DLC1: variants seen among roughly 807,000 people sequenced by gnomAD.
The protein encoded by DLC1 is DLC1 Rho GTPase activating protein.
Under a neutral mutation model 140.3 loss-of-function variants are expected in DLC1, and 54 were observed. The observed-to-expected ratio is 0.38, with a 90% CI of 0.31 to 0.48. The LOEUF is 0.48. Ranked by LOEUF, DLC1 falls within the 20% of genes least tolerant of loss-of-function variation. DLC1 has a pLI of 0.96. For synonymous variants in DLC1, 986 were observed against 728.1 expected (o/e 1.35, Z -5.70); for missense variants, 2,536 against 1,907.0 (o/e 1.33, Z -6.14).
chr8:13,566,324 G>C (rs2117394798), intron 1 of DLC1, among the ~76,000 whole-genome samples: 1 of 152,220 alleles, frequency 6.6e-6, no homozygotes, highest in East Asian at 1.9e-4. Flanking sequence ...CAGAGAAACT[G>C]ATTTGGAAAA....
At chr8:13,547,079 A>G (rs1473449252) in intron 1 of DLC1, among the ~76,000 whole-genome samples, 2 of 152,128 alleles carry the variant, frequency 1.3e-5, no homozygotes, top group African/African-American at 4.8e-5. Context: ...TGCTTGATTT[A>G]AATGATGTGG....
chr8:13,427,271 C>T (rs1281250956), intron 2 of DLC1, among the ~76,000 whole-genome samples: 2 of 152,134 alleles, frequency 1.3e-5, no homozygotes, highest in East Asian at 3.9e-4. Context: ...TCCCACAGTT[C>T]TCTGTCCAAC....
intron 5 of DLC1, among the ~76,000 whole-genome samples, chr8:13,290,380 G>A (rs1831711155): frequency 1.3e-5 from 2 of 152,086 alleles, no homozygotes; most frequent in African/African-American, 4.8e-5. Context: ...GAGGCATCCA[G>A]GAATCTGAAT....
chr8:13,601,045 A>G (rs1294283696), intron 1 of DLC1, among the ~76,000 whole-genome samples: 1 of 151,824 alleles, frequency 6.6e-6, no homozygotes, highest in African/African-American at 2.4e-5. Flanking sequence ...AAAAATGGTT[A>G]TCTACTTTGA....
chr8:13,504,549 A>G (rs1801969409), intron 1 of DLC1, among the ~76,000 whole-genome samples: 1 of 152,244 alleles, frequency 6.6e-6, no homozygotes, highest in South Asian at 2.1e-4. Context: ...AGAAAGAACA[A>G]TAGACCACGT....
At chr8:13,594,525 C>G (rs1805623892) in intron 1 of DLC1, among the ~76,000 whole-genome samples, 1 of 152,194 alleles carries the variant, frequency 6.6e-6, no homozygotes, top group Non-Finnish European at 1.5e-5. Context: ...CAAGTCTGGG[C>G]TTTGTATCAG....
chr8:13,216,835 C>A (rs1792971362), intron 5 of DLC1, among the ~76,000 whole-genome samples: 1 of 152,050 alleles, frequency 6.6e-6, no homozygotes, highest in Admixed American at 6.6e-5. Flanking sequence ...CTAGACATTG[C>A]CAAATGTTCC....
At chr8:13,330,492 C>A (rs1028283938) in intron 4 of DLC1, among the ~76,000 whole-genome samples, 4 of 152,208 alleles carry the variant, frequency 2.6e-5, no homozygotes, top group Non-Finnish European at 5.9e-5. Context: ...TGCCACCCTC[C>A]TTTAGCAGAA....
At chr8:13,553,228 G>GTATATATATATATATATATATA (rs59463537) in intron 1 of DLC1, among the ~76,000 whole-genome samples, 1 of 47,478 alleles carries the variant, frequency 2.1e-5, no homozygotes, top group African/African-American at 7.1e-5. Flanking sequence ...ATATATATAT[G>GTATATATATATATATATATATA]TATATATATA....
chr8:13,440,906 C>A (rs1246915804), intron 2 of DLC1, among the ~76,000 whole-genome samples: 2 of 152,142 alleles, frequency 1.3e-5, no homozygotes, highest in Non-Finnish European at 2.9e-5. Flanking sequence ...ATTAAACCTC[C>A]TCTTCTTCCC....
intron 4 of DLC1, among the ~76,000 whole-genome samples, chr8:13,342,923 A>G (rs1463446705): frequency 6.6e-6 from 1 of 152,036 alleles, no homozygotes; most frequent in Non-Finnish European, 1.5e-5. Flanking sequence ...TACATCAATG[A>G]CAAGACGAAT....
intron 1 of DLC1, among the ~76,000 whole-genome samples, chr8:13,537,102 A>C (rs1013640580): frequency 2.7e-5 from 4 of 148,888 alleles, no homozygotes; most frequent in African/African-American, 7.3e-5. Flanking sequence ...TTAAATATGT[A>C]GCAAAAAACC....
chr8:13,275,422 G>T (rs1296217412), intron 5 of DLC1, among the ~76,000 whole-genome samples: 3 of 152,152 alleles, frequency 2.0e-5, no homozygotes, highest in Non-Finnish European at 4.4e-5. Context: ...GACCAAAGAG[G>T]TTAAGAAAAC....
At position 13,100,487 on chromosome 8, in the gene DLC1, C is replaced by CG. The variant is rs762717334; in HGVS notation, c.1849dup (p.Arg617ProfsTer3). On this transcript the variant is annotated frameshift_variant, in exon 9 of 18. Transcript: ENST00000276297. LOFTEE classifies it high-confidence loss of function. ...GCAAACGCTGATGACGGAGTTAGTC[C>CG]GGGGGGTGGCAGCATCCTCGCTGGG... 2 of 1,612,758 alleles carry CG rather than the reference C, an allele frequency of 1.2e-6. No homozygotes were observed. Among genetic ancestry groups the CG allele is most frequent in the Non-Finnish European group, 8.5e-7 (1 of 1,179,936 alleles).
intron 1 of DLC1, among the ~76,000 whole-genome samples, chr8:13,551,888 G>C (rs1169340104): frequency 9.6e-6 from 1 of 104,310 alleles, no homozygotes; most frequent in Non-Finnish European, 2.0e-5. Context: ...ATATAGACAG[G>C]TATATATACA....
chr8:13,551,047 AACACACACAC>A, intron 1 of DLC1, among the ~76,000 whole-genome samples: 1 of 123,048 alleles, frequency 8.1e-6, no homozygotes, highest in East Asian at 2.5e-4. Context: ...GATTTCTTTA[AACACACACAC>A]ACACACACAC....
chr8:13,206,908 A>T (rs1158244695), intron 5 of DLC1, among the ~76,000 whole-genome samples: 1 of 152,148 alleles, frequency 6.6e-6, no homozygotes, highest in Non-Finnish European at 1.5e-5. Context: ...CATTTCAGTG[A>T]TGATAAGCAG....
At chr8:13,208,169 G>A (rs776352295) in intron 5 of DLC1, among the ~76,000 whole-genome samples, 7 of 152,018 alleles carry the variant, frequency 4.6e-5, no homozygotes, top group Non-Finnish European at 7.4e-5. Context: ...TTTGTTGTTG[G>A]TGTTATTGTT....
Position 13,403,425 on chromosome 8 carries a change from A to G in DLC1, c.1024-1806T>C, listed in dbSNP as rs746377537. Among the ~76,000 whole-genome samples, 20 of 152,332 alleles carry G rather than the reference A, an allele frequency of 1.3e-4. 1 individual carries two copies. Among genetic ancestry groups the G allele is most frequent in the South Asian group, 6.2e-4 (3 of 4,826 alleles). ...TCCAGATAATGGAACAATCTGATTAAATAGTAATTAAATCCCAGTAATCAC... is the reference window on the plus strand; with the variant it reads ...TCCAGATAATGGAACAATCTGATTAGATAGTAATTAAATCCCAGTAATCAC... On this transcript the variant is annotated intron_variant, in intron 2 of 17. Transcript: ENST00000276297.
Sources: gnomAD v4.1 joint callset for allele counts (sites outside exome capture counted in the v4.1 genomes callset) on GRCh38, gnomAD v4.1.1 for gene constraint, MANE v1.5 for transcripts, NCBI Gene and HGNC (gene_info 2026-07-23, HGNC 2026-07-21) for gene names.